The following CEP97 variants were observed in gnomAD, a reference collection of about 807,000 sequenced individuals.
CEP97 encodes the protein centrosomal protein of 97 kDa.
CEP97 carries 43 observed loss-of-function variants against 73.1 expected under a neutral mutation model. The observed-to-expected ratio is 0.59, with a 90% CI of 0.46 to 0.76. The LOEUF (loss-of-function observed/expected upper bound fraction) is 0.76. Among genes scored for constraint, CEP97 ranks in the 30% least tolerant of loss-of-function variants. The pLI is 0.00. For missense variants in CEP97, 939 were observed against 1,014.0 expected (o/e 0.93, Z 1.00); for synonymous variants, 337 against 370.0 (o/e 0.91, Z 1.02).
chr3:101,730,971 T>C (rs75684730), intron 4 of CEP97, among the ~76,000 whole-genome samples: 7 of 151,924 alleles, frequency 4.6e-5, no homozygotes, highest in African/African-American at 1.5e-4. Context: ...TTTTTTTTTT[T>C]TGCTGGAATA....
intron 6 of CEP97, among the ~76,000 whole-genome samples, chr3:101,738,089 A>G (rs951932942): frequency 3.3e-5 from 5 of 152,002 alleles, no homozygotes; most frequent in Admixed American, 1.3e-4. Context: ...AACATATATC[A>G]AAAAGACAAA....
chr3:101,765,454 A>G lies in CEP97; in HGVS notation c.2501A>G (p.Gln834Arg). The change falls in exon 11 of 11, where the codon CAG (glutamine) becomes CGG (arginine). Residue 834 changes from glutamine (Q) to arginine (R), a missense_variant. Gln to Arg is a conservative substitution (Grantham distance 43, BLOSUM62 1). Coordinates refer to ENST00000341893, the MANE Select transcript of CEP97 (RefSeq NM_024548.4). ...CCTCCTTTGCAAGGTGAAATTAGCC[A>G]GACACAAGAGAATTCTAAATTAAAT... ...ISPPLQGEISQTQENSKLNAE... is the reference protein window; with the variant it reads ...ISPPLQGEISRTQENSKLNAE... 6.2e-7 allele frequency: 1 copy of G among 1,614,210 alleles called. No individual in the cohort carries two copies. Among genetic ancestry groups the G allele is most frequent in the East Asian group, 2.2e-5 (1 of 44,876 alleles).
intron 9 of CEP97, among the ~76,000 whole-genome samples, chr3:101,761,296 G>A (rs1939169454): frequency 6.6e-6 from 1 of 152,202 alleles, no homozygotes; most frequent in African/African-American, 2.4e-5. Flanking sequence ...AGTGGTTGGT[G>A]TTGGGTGCTT....
At chr3:101,738,180 A>G (rs755699945) in intron 6 of CEP97, among the ~76,000 whole-genome samples, 1 of 152,220 alleles carries the variant, frequency 6.6e-6, no homozygotes, top group Admixed American at 6.5e-5. Flanking sequence ...CCAATACAGG[A>G]GCACCCAGAT....
chr3:101,733,443 T>G (rs1447661263), intron 6 of CEP97, among the ~76,000 whole-genome samples: 1 of 152,210 alleles, frequency 6.6e-6, no homozygotes, highest in Non-Finnish European at 1.5e-5. Flanking sequence ...CTCATTATAA[T>G]GATAACTCTG....
chr3:101,731,610 G>T (rs1938113229), intron 4 of CEP97, among the ~76,000 whole-genome samples: 1 of 152,104 alleles, frequency 6.6e-6, no homozygotes, highest in African/African-American at 2.4e-5. Flanking sequence ...ATGTGTTTTT[G>T]GACAAGTCTT....
At chr3:101,727,703 A>G (rs1220644675) in intron 3 of CEP97, among the ~76,000 whole-genome samples, 162 bp downstream of exon 3, 1 of 152,250 alleles carries the variant, frequency 6.6e-6, no homozygotes, top group Non-Finnish European at 1.5e-5. Flanking sequence ...AACATATAAT[A>G]TGACATAATA....
intron 9 of CEP97, among the ~76,000 whole-genome samples, chr3:101,759,675 C>A (rs1268627984): frequency 1.3e-5 from 2 of 152,164 alleles, no homozygotes; most frequent in Non-Finnish European, 2.9e-5. Context: ...AGGAGTCAGT[C>A]AAGGGCCAGT....
chr3:101,733,750 T>C (rs1406878100), intron 6 of CEP97, among the ~76,000 whole-genome samples: 2 of 152,132 alleles, frequency 1.3e-5, no homozygotes, highest in Non-Finnish European at 2.9e-5. Flanking sequence ...CGGTATGGTC[T>C]CGATCTCCTG....
In CEP97 at chr3:101,727,460, T is replaced by C; in HGVS notation, c.264T>C (p.Pro88=). 1 of 1,614,034 alleles carries C rather than the reference T, an allele frequency of 6.2e-7. No homozygotes were observed. Among genetic ancestry groups the C allele is most frequent in the South Asian group, 1.1e-5 (1 of 91,064 alleles). Residue 88 remains proline (P), a synonymous_variant, in exon 3 of 11, where the codon CCT becomes CCC. Coordinates refer to ENST00000341893, the MANE Select transcript of CEP97 (RefSeq NM_024548.4). ...KLTLLRVLNL[P]HNSIGCVEGL... ...CGTTGCTTCGTGTATTAAATTTGCC[T>C]CATAATAGCATTGGCTGTGTGGAAG...
At chr3:101,764,806 A>G (rs377758269) in intron 10 of CEP97, 41 bp from the exon 11 acceptor site, 63 of 1,520,078 alleles carry the variant, frequency 4.1e-5, no homozygotes, top group Non-Finnish European at 5.5e-5. Context: ...CAAAAACAAC[A>G]CTTTTTATTT....
chr3:101,743,995 A>C (rs1576685884), intron 6 of CEP97, among the ~76,000 whole-genome samples: 1 of 138,044 alleles, frequency 7.2e-6, no homozygotes, highest in African/African-American at 2.8e-5. Flanking sequence ...CAAGAGTGAA[A>C]CTCCGTCTCA....
At chr3:101,746,105 A>G (rs1314181036) in intron 6 of CEP97, among the ~76,000 whole-genome samples, 1 of 152,214 alleles carries the variant, frequency 6.6e-6, no homozygotes, top group Non-Finnish European at 1.5e-5. Context: ...TTATGGCTGC[A>G]TAGTATTCCA....
rs201836749 is a variant in CEP97 at position 101,731,873 on chromosome 3, C to T, written c.481C>T (p.Leu161Phe). The T allele has an allele frequency of 4.1e-5, 66 of 1,609,054 alleles. 1 individual carries two copies. In the East Asian group the frequency reaches 9.1e-4, roughly 22 times the overall value. The change falls in exon 5 of 11, where the codon CTT becomes TTT. Residue 161 changes from leucine to phenylalanine, a missense_variant. By Grantham distance (22) the Leu-to-Phe change is conservative. Transcript: ENST00000341893. ...TTTACATGGAAACATCATCACCTCT[C>T]TTAGAATGGCACCTGCTTACCTACC... ...LLLHGNIITS[L>F]RMAPAYLPRS...
At chr3:101,740,140 G>A (rs1938404435) in intron 6 of CEP97, among the ~76,000 whole-genome samples, 1 of 152,136 alleles carries the variant, frequency 6.6e-6, no homozygotes, top group Admixed American at 6.6e-5. Flanking sequence ...TCAGGCAAGA[G>A]AAAGAAATAA....
At chr3:101,762,617 A>G (rs1939202984) in intron 10 of CEP97, 57 bp downstream of exon 10, 1 of 1,329,630 alleles carries the variant, frequency 7.5e-7, no homozygotes, top group Non-Finnish European at 1.1e-6. Flanking sequence ...TTCTATATTC[A>G]TTGAGATAAT....
intron 8 of CEP97, 95 bp from the exon 9 acceptor site, chr3:101,757,539 A>G (rs1939044210): frequency 2.4e-6 from 3 of 1,226,392 alleles, no homozygotes; most frequent in Middle Eastern, 2.3e-4. Context: ...ATTTTTTTGC[A>G]TTTTACTCTA....
chr3:101,762,229 A>T (rs1487841721), intron 9 of CEP97, among the ~76,000 whole-genome samples: 4 of 152,190 alleles, frequency 2.6e-5, no homozygotes, highest in African/African-American at 9.7e-5. Flanking sequence ...TATTTCAGTC[A>T]TATCTCCTTT....
intron 6 of CEP97, among the ~76,000 whole-genome samples, chr3:101,737,691 C>T (rs1938321331): frequency 6.6e-6 from 1 of 152,106 alleles, no homozygotes; most frequent in African/African-American, 2.4e-5. Context: ...CTGAAGGAAG[C>T]ACTAAACATG....
Sources: gnomAD v4.1 joint callset for allele counts (sites outside exome capture counted in the v4.1 genomes callset) on GRCh38, gnomAD v4.1.1 for gene constraint, MANE v1.5 for transcripts, NCBI Gene and HGNC (gene_info 2026-07-23, HGNC 2026-07-21) for gene names.